The following ADGRL3 variants were observed in gnomAD, a reference collection of about 807,000 sequenced individuals.
ADGRL3 encodes adhesion G protein-coupled receptor L3, also known as calcium-independent alpha-latrotoxin receptor 3.
ADGRL3 carries 62 observed loss-of-function variants against 153.5 expected under a neutral mutation model. The observed-to-expected ratio is 0.40, with a 90% confidence interval of 0.33 to 0.50. The LOEUF (loss-of-function observed/expected upper bound fraction) is 0.50. ADGRL3 is among the 20% of genes least tolerant of loss of function. ADGRL3 has a pLI of 0.47. For synonymous variants in ADGRL3, 710 were observed against 672.5 expected, an observed-to-expected ratio of 1.06 and a Z score of -0.86; for missense variants, 1,641 against 1,859.4, an observed-to-expected ratio of 0.88 and a Z score of 2.16.
At chr4:61,392,708 A>T (rs146592521) in intron 2 of ADGRL3, among the ~76,000 whole-genome samples, 35,747 of 92,038 alleles carry the variant, frequency 0.39, 8,692 homozygotes, top group Non-Finnish European at 0.55. Flanking sequence ...AAAAAAAAAG[A>T]AAAAGGAAAA....
At chr4:61,708,038 A>T (rs768719493) in intron 6 of ADGRL3, among the ~76,000 whole-genome samples, 2 of 152,134 alleles carry the variant, frequency 1.3e-5, no homozygotes, top group Non-Finnish European at 2.9e-5. Context: ...ACCTTACCCA[A>T]ATTTCAGCTC....
Position 61,649,781 on chromosome 4 carries a change from G to T in ADGRL3, c.474-27045G>T, listed in dbSNP as rs150225304. Among the ~76,000 whole-genome samples the T allele has an allele frequency of 1.6e-3, 247 of 152,196 alleles. 2 individuals are homozygous for T. Among genetic ancestry groups the T allele is most frequent in the African/African-American group, 5.7e-3 (237 of 41,532 alleles). ...AGCATAATAAGAACCAGAACCAACA[G>T]ACATGGTACATTTTCTGTATCAGTT... On this transcript the variant is annotated intron_variant, in intron 5 of 26. Coordinates refer to ENST00000683033, the MANE Select transcript of ADGRL3 (RefSeq NM_001387552.1).
rs758489823 is a variant in ADGRL3, at chr4:61,979,650, T to G, written c.2893T>G (p.Phe965Val). The change falls in exon 18 of 27, where the codon TTC (phenylalanine) becomes GTC (valine). Residue 965 changes from phenylalanine to valine, a missense_variant. Physicochemically the swap from Phe to Val is conservative, Grantham distance 50. Coordinates refer to ENST00000683033, the MANE Select transcript of ADGRL3 (RefSeq NM_001387552.1). Reference sequence around the variant, plus strand: ...CCTTGTTTGTCTCCTGATTTGCATCTTCACATTTTGCTTTTTCCGGGGGCT... The same window carrying G: ...CCTTGTTTGTCTCCTGATTTGCATCGTCACATTTTGCTTTTTCCGGGGGCT... ...LSLVCLLICI[F>V]TFCFFRGLQS... The G allele has an allele frequency of 6.2e-6, 10 of 1,613,832 alleles. No homozygotes were observed. In the South Asian group the frequency reaches 1.1e-4, roughly 18 times the overall value.
In ADGRL3 at chr4:61,269,726, C is replaced by T. The variant is rs192932371; in HGVS notation, c.-240+67961C>T. 9.9e-5 allele frequency among the ~76,000 whole-genome samples: 15 copies of T among 151,788 alleles called. No homozygotes were observed. In the East Asian group the frequency reaches 2.7e-3, roughly 27 times the overall value. On this transcript the variant is annotated intron_variant, in intron 1 of 26. Transcript: ENST00000683033. ...TAGATCTATTATTTTACAAATTAAACGAAGGTGCAGGTCTCTGCCTTCCCC... is the reference window on the plus strand; with the variant it reads ...TAGATCTATTATTTTACAAATTAAATGAAGGTGCAGGTCTCTGCCTTCCCC...
intron 2 of ADGRL3, among the ~76,000 whole-genome samples, chr4:61,396,963 T>C (rs1464856663): frequency 6.6e-6 from 1 of 151,094 alleles, no homozygotes; most frequent in African/African-American, 2.4e-5. Flanking sequence ...ATTATTATTA[T>C]TATTATTATT....
Position 61,725,186 on chromosome 4 carries a change from G to A in ADGRL3, c.584-5436G>A, listed in dbSNP as rs543000036. Among the ~76,000 whole-genome samples the A allele has an allele frequency of 5.3e-5, 8 of 152,138 alleles. No homozygotes were observed. In the South Asian group the frequency reaches 1.0e-3, roughly 20 times the overall value. The stretch of plus-strand genomic sequence containing the variant: ...TTGAACATCAATAATGAATAATATC[G>A]AAACCTGAATTCCTGTTTCAACTTG... On this transcript the variant is annotated intron_variant, in intron 6 of 26. Transcript: ENST00000683033.
At chr4:61,366,883 G>C (rs552227277) in intron 1 of ADGRL3, among the ~76,000 whole-genome samples, 1 of 152,190 alleles carries the variant, frequency 6.6e-6, no homozygotes, top group South Asian at 2.1e-4. Flanking sequence ...GTTTACAATT[G>C]ACTGTGAATG....
intron 17 of ADGRL3, among the ~76,000 whole-genome samples, chr4:61,966,796 C>T (rs2099008537): frequency 6.6e-6 from 1 of 152,102 alleles, no homozygotes; most frequent in South Asian, 2.1e-4. Flanking sequence ...TATACAGATG[C>T]TCCTCAGTCT....
intron 1 of ADGRL3, among the ~76,000 whole-genome samples, chr4:61,265,996 C>T (rs1018359194): frequency 3.3e-5 from 5 of 151,778 alleles, no homozygotes; most frequent in Non-Finnish European, 5.9e-5. Context: ...TTTTGAATTT[C>T]GCATATTTAA....
At chr4:61,641,244 T>G (rs933395444) in intron 5 of ADGRL3, among the ~76,000 whole-genome samples, 1 of 150,430 alleles carries the variant, frequency 6.6e-6, no homozygotes, top group African/African-American at 2.4e-5. Context: ...GTGCTTGTTA[T>G]GTAGTAAATA....
At chr4:61,550,501 C>T (rs1292948614) in intron 4 of ADGRL3, among the ~76,000 whole-genome samples, 1 of 151,996 alleles carries the variant, frequency 6.6e-6, no homozygotes, top group Non-Finnish European at 1.5e-5. Flanking sequence ...CCCAATTGGA[C>T]ATGACAATAA....
intron 2 of ADGRL3, among the ~76,000 whole-genome samples, chr4:61,441,511 CT>C (rs1346757008): frequency 1.4e-5 from 1 of 71,502 alleles, no homozygotes; most frequent in Non-Finnish European, 2.9e-5. Context: ...TAACCTCCCC[CT>C]CTCACTCTTT....
At chr4:61,844,575 A>AAAAT (rs1554045137) in intron 9 of ADGRL3, among the ~76,000 whole-genome samples, 1 of 18,098 alleles carries the variant, frequency 5.5e-5, no homozygotes, top group Admixed American at 1.4e-3. Context: ...AAAAAAAAAA[A>AAAAT]ATATATATAT....
intron 2 of ADGRL3, among the ~76,000 whole-genome samples, chr4:61,478,531 TG>T (rs1189812756): frequency 6.6e-6 from 1 of 152,122 alleles, no homozygotes; most frequent in African/African-American, 2.4e-5. Flanking sequence ...TTTTAATCAC[TG>T]GGAACACTGA....
intron 6 of ADGRL3, among the ~76,000 whole-genome samples, chr4:61,699,509 CAGGTAAAGGAT>C (rs982433089): frequency 1.3e-5 from 2 of 151,830 alleles, no homozygotes; most frequent in Non-Finnish European, 2.9e-5. Context: ...CCTTGTGGGA[CAGGTAAAGGAT>C]TATGGATTGT....
chr4:61,338,080 C>T (rs532513920), intron 1 of ADGRL3, among the ~76,000 whole-genome samples: 37 of 151,990 alleles, frequency 2.4e-4, no homozygotes, highest in Admixed American at 4.6e-4. Flanking sequence ...GCCCGGTAAA[C>T]ATGGTGAAGC....
chr4:62,016,379 A>G (rs1484493750), intron 21 of ADGRL3, among the ~76,000 whole-genome samples: 7 of 152,086 alleles, frequency 4.6e-5, no homozygotes, highest in Non-Finnish European at 8.8e-5. Context: ...TATTTGTCTC[A>G]GTTTTACAAT....
At chr4:61,742,170 G>A (rs1350234409) in intron 8 of ADGRL3, among the ~76,000 whole-genome samples, 1 of 152,174 alleles carries the variant, frequency 6.6e-6, no homozygotes, top group African/African-American at 2.4e-5. Context: ...GCACAGATAA[G>A]TGAGAGTTGA....
chr4:61,834,013 G>A lies in ADGRL3; in HGVS notation c.1480+20124G>A, dbSNP rs576008749. Among the ~76,000 whole-genome samples the A allele has an allele frequency of 6.2e-5, 9 of 144,068 alleles. No homozygotes were observed. The East Asian group carries it at 1.5e-3, about 24-fold the overall frequency. 94.5% of individuals were successfully genotyped at this position (144,068 alleles called of 152,430 possible). On this transcript the variant is annotated intron_variant, in intron 9 of 26. Transcript: ENST00000683033. ...AAGTTTTAGGGTACATGTGCACAAC[G>A]TGCAGGCTAGTTACATATGTATACA...
Sources: allele counts gnomAD v4.1 joint callset (sites outside exome capture counted in the v4.1 genomes callset), GRCh38; gene constraint gnomAD v4.1.1; transcripts MANE v1.5; gene names NCBI Gene and HGNC (gene_info 2026-07-23, HGNC 2026-07-21).